Variants in AGAP1 observed in about 807,000 individuals in gnomAD.
AGAP1 encodes arf-GAP with GTPase, ANK repeat and PH domain-containing protein 1.
Under a neutral mutation model 105.3 loss-of-function variants are expected in AGAP1, and 29 were observed. That is an observed-to-expected ratio of 0.28 (90% confidence interval 0.21 to 0.38). AGAP1 has a LOEUF of 0.38. Ranked by LOEUF, AGAP1 falls within the 10% of genes least tolerant of loss-of-function variation. AGAP1 has a pLI of 1.00. For missense variants in AGAP1, 998 were observed against 1,165.1 expected (o/e 0.86, Z 2.09); for synonymous variants, 509 against 485.9 (o/e 1.05, Z -0.63).
At chr2:236,015,366 G>C (rs141970357) in intron 13 of AGAP1, among the ~76,000 whole-genome samples, 3 of 131,046 alleles carry the variant, frequency 2.3e-5, no homozygotes, top group African/African-American at 9.8e-5. Flanking sequence ...AGGCAGGCCC[G>C]GGCCATTTGC....
At position 235,791,535 on chromosome 2, in the gene AGAP1, G is replaced by A. The variant is rs1055220450; in HGVS notation, c.674-6224G>A. 8.6e-5 allele frequency among the ~76,000 whole-genome samples: 13 copies of A among 151,986 alleles called. No homozygotes were observed. In the South Asian group the frequency reaches 1.7e-3, roughly 19 times the overall value. On this transcript the variant is annotated intron_variant, in intron 6 of 17. Coordinates refer to ENST00000304032, the MANE Select transcript of AGAP1 (RefSeq NM_001037131.3). Reference sequence around the variant, plus strand: ...ATCGTGATAAACAATAAGATGGCACGTTGATTTGATTTGATTTTTTTTTTG... The same window carrying A: ...ATCGTGATAAACAATAAGATGGCACATTGATTTGATTTGATTTTTTTTTTG...
In AGAP1 at chr2:235,799,483, C is replaced by G. The variant is rs762329781; in HGVS notation, c.918C>G (p.Pro306=). 3.7e-6 allele frequency: 6 copies of G among 1,614,082 alleles called. No individual in the cohort carries two copies. Among genetic ancestry groups the G allele is most frequent in the East Asian group, 2.2e-5 (1 of 44,886 alleles). ...CTCCCACTGCCAACACGCCCACGCC[C>G]GTTCGCAAGCAGTCTAAGCGCCGGT... ...DVPPTANTPT[P]VRKQSKRRSN... is the part of the protein sequence containing the mutation. The change falls in exon 8 of 18, where the codon CCC becomes CCG. Residue 306 remains proline (P), a synonymous_variant. Coordinates refer to ENST00000304032, the MANE Select transcript of AGAP1 (RefSeq NM_001037131.3). The surrounding 1 kb of genome is among the most constrained non-coding windows in gnomAD (Gnocchi z 5.0).
intron 1 of AGAP1, among the ~76,000 whole-genome samples, chr2:235,637,396 G>A (rs530903515): frequency 6.4e-4 from 97 of 151,952 alleles, no homozygotes; most frequent in Non-Finnish European, 1.1e-3. Flanking sequence ...CCTCAGCCCC[G>A]CAAGTGACTA....
At chr2:235,695,293 T>G (rs1252321599) in intron 1 of AGAP1, among the ~76,000 whole-genome samples, 2 of 152,194 alleles carry the variant, frequency 1.3e-5, no homozygotes, top group Non-Finnish European at 1.5e-5. Flanking sequence ...GAGTGCACCT[T>G]TATTGCCCTA....
intron 9 of AGAP1, among the ~76,000 whole-genome samples, chr2:235,849,540 G>A (rs1316519234): frequency 6.6e-6 from 1 of 152,126 alleles, no homozygotes; most frequent in Non-Finnish European, 1.5e-5. Flanking sequence ...GTTTTCATGT[G>A]TGACTCTGGA....
At chr2:236,026,910 C>CT (rs1354710728) in intron 13 of AGAP1, among the ~76,000 whole-genome samples, 7 of 152,216 alleles carry the variant, frequency 4.6e-5, no homozygotes, top group Admixed American at 2.0e-4. Context: ...AGGAGAGCTC[C>CT]TTTTTTTAAA....
rs2057438152 is a variant in AGAP1, at chr2:236,038,176, A to G, written c.1800+1461A>G. On this transcript the variant is annotated intron_variant, in intron 14 of 17. Coordinates refer to ENST00000304032, the MANE Select transcript of AGAP1 (RefSeq NM_001037131.3). The surrounding 1 kb of genome is among the most constrained non-coding windows in gnomAD (Gnocchi z 4.5). ...TACTGGGTCACGTCCACATGCATCC[A>G]TGATGTGCCTCCTGAAACGAGCACA... is the stretch of plus-strand genomic sequence containing the variant. Among the ~76,000 whole-genome samples, 3 of 152,274 alleles carry G rather than the reference A, an allele frequency of 2.0e-5. No homozygotes were observed. In the South Asian group the frequency reaches 6.2e-4, roughly 32 times the overall value.
chr2:235,513,080 G>A (rs1258765993), intron 1 of AGAP1, among the ~76,000 whole-genome samples: 5 of 151,898 alleles, frequency 3.3e-5, no homozygotes, highest in South Asian at 2.1e-4. Context: ...ACTTTCATTG[G>A]GCCCCTTTGT....
intron 1 of AGAP1, among the ~76,000 whole-genome samples, chr2:235,634,884 T>C (rs1363086789): frequency 6.6e-6 from 1 of 152,204 alleles, no homozygotes; most frequent in African/African-American, 2.4e-5. Flanking sequence ...TGGCTGGTTA[T>C]TGGTGTTAGG....
In AGAP1 at chr2:235,729,064, C is replaced by CA. The variant is rs1206809215; in HGVS notation, c.310+11421dup. Among the ~76,000 whole-genome samples, 1 of 152,082 alleles carries CA rather than the reference C, an allele frequency of 6.6e-6. No individual in the cohort carries two copies. The highest frequency in any genetic ancestry group is 1.5e-5 in the Non-Finnish European group (1 of 68,032). On this transcript the variant is annotated intron_variant, in intron 3 of 17. Transcript: ENST00000304032. This position sits in a 1 kb window ranked among gnomAD's most constrained non-coding sequence, Gnocchi z 5.0. ...GATAAGAGTCAGAGTGGCTGGGCTCCAGGGCTCCAGCCAGGCTATTAGCAG... is the reference window on the plus strand; with the variant it reads ...GATAAGAGTCAGAGTGGCTGGGCTCCAAGGGCTCCAGCCAGGCTATTAGCAG...
At chr2:235,606,945 G>GAAAAA (rs5839603) in intron 1 of AGAP1, among the ~76,000 whole-genome samples, 14 of 61,926 alleles carry the variant, frequency 2.3e-4, no homozygotes, top group South Asian at 7.0e-4. Context: ...ACTGCCTCTT[G>GAAAAA]AAAAAAAAAA....
At chr2:235,602,750 G>A (rs924979928) in intron 1 of AGAP1, among the ~76,000 whole-genome samples, 6 of 152,134 alleles carry the variant, frequency 3.9e-5, no homozygotes, top group African/African-American at 1.4e-4. Context: ...CACCCAGGCT[G>A]GAGTGCAGTG....
rs1961075892 is a variant in AGAP1 at position 235,843,268 on chromosome 2, C to T, written c.1050+35937C>T. On this transcript the variant is annotated intron_variant, in intron 9 of 17. Transcript: ENST00000304032. The surrounding 1 kb of genome is among the most constrained non-coding windows in gnomAD (Gnocchi z 5.9). ...CTGAGCTTCGGCTGCGGCCTTCCAG[C>T]CCCCTGGGTCTCACTGCTTGCTGCC... Among the ~76,000 whole-genome samples the T allele has an allele frequency of 1.3e-5, 2 of 152,120 alleles. No homozygotes were observed. The highest frequency in any genetic ancestry group is 1.3e-4 in the Admixed American group (2 of 15,278).
At chr2:235,980,334 G>A (rs1246698238) in intron 13 of AGAP1, among the ~76,000 whole-genome samples, 1 of 152,090 alleles carries the variant, frequency 6.6e-6, no homozygotes, top group Non-Finnish European at 1.5e-5. Context: ...CTTTTTAGTT[G>A]GAATTGATTA....
In AGAP1 at chr2:235,609,062, T is replaced by C. The variant is rs1946042940; in HGVS notation, c.164-100117T>C. On this transcript the variant is annotated intron_variant, in intron 1 of 17. Transcript: ENST00000304032. This position sits in a 1 kb window ranked among gnomAD's most constrained non-coding sequence, Gnocchi z 5.1. ...TGGTAAGTTCTGCATAGAAATGATT[T>C]TTGCACAGAGCTTTGTCATTGGGAA... Among the ~76,000 whole-genome samples, 1 of 152,142 alleles carries C rather than the reference T, an allele frequency of 6.6e-6. No homozygotes were observed. The highest frequency in any genetic ancestry group is 1.5e-5 in the Non-Finnish European group (1 of 68,032).
Position 235,752,079 on chromosome 2 carries a change from G to T in AGAP1, c.673+1591G>T, listed in dbSNP as rs1179419039. ...TAATGGAGCAAGGTCACTGTCGGCC[G>T]CTGCGCTGCCGAGGCCCCTGTGAAT... On this transcript the variant is annotated intron_variant, in intron 6 of 17. Transcript: ENST00000304032. The surrounding 1 kb of genome is among the most constrained non-coding windows in gnomAD (Gnocchi z 4.3). Among the ~76,000 whole-genome samples, 1 of 152,222 alleles carries T rather than the reference G, an allele frequency of 6.6e-6. No individual in the cohort carries two copies. The highest frequency in any genetic ancestry group is 2.4e-5 in the African/African-American group (1 of 41,468).
At position 235,908,932 on chromosome 2, in the gene AGAP1, A is replaced by C; in HGVS notation, c.1324+26A>C. On this transcript the variant is annotated intron_variant, in intron 11 of 17. Coordinates refer to ENST00000304032, the MANE Select transcript of AGAP1 (RefSeq NM_001037131.3). The surrounding 1 kb of genome is among the most constrained non-coding windows in gnomAD (Gnocchi z 4.4). ...GTAAGCTTACAGCAAATGCACTAAC[A>C]AATCAAGTTCAACAGCAACAGGTGG... 6.3e-7 allele frequency: 1 copy of C among 1,594,386 alleles called. No individual in the cohort carries two copies. The highest frequency in any genetic ancestry group is 8.6e-7 in the Non-Finnish European group (1 of 1,164,816).
chr2:235,940,778 T>A (rs1185016772), intron 12 of AGAP1, among the ~76,000 whole-genome samples: 2 of 152,218 alleles, frequency 1.3e-5, no homozygotes, highest in Non-Finnish European at 2.9e-5. Context: ...ATGTGTCTTC[T>A]GCAGTAATTC....
intron 1 of AGAP1, among the ~76,000 whole-genome samples, chr2:235,681,231 G>A (rs578050231): frequency 3.3e-5 from 5 of 152,236 alleles, no homozygotes; most frequent in African/African-American, 7.2e-5. Context: ...GGATGGTCTC[G>A]ATCTCCTGAT....
Sources: allele counts gnomAD v4.1 joint callset (sites outside exome capture counted in the v4.1 genomes callset), GRCh38; gene constraint gnomAD v4.1.1; non-coding constraint Gnocchi (gnomAD v3.1); transcripts MANE v1.5; gene names NCBI Gene and HGNC (gene_info 2026-07-23, HGNC 2026-07-21).